Variants in CEP128 observed in about 807,000 individuals in gnomAD.
The protein encoded by CEP128 is centrosomal protein 128kDa.
In CEP128, 132 loss-of-function variants were observed where a neutral mutation model predicts 156.7. The observed-to-expected ratio is 0.84, with a 90% CI of 0.73 to 0.97. The LOEUF is 0.97. Among genes scored for constraint, CEP128 ranks in the 50% least tolerant of loss-of-function variants. CEP128 has a pLI of 0.00. For missense variants in CEP128, 1,252 were observed against 1,281.9 expected, an observed-to-expected ratio of 0.98 and a Z score of 0.36; for synonymous variants, 469 against 448.9, an observed-to-expected ratio of 1.04 and a Z score of -0.57.
intron 24 of CEP128, among the ~76,000 whole-genome samples, chr14:80,502,012 A>G (rs971648205): frequency 6.6e-6 from 1 of 152,162 alleles, no homozygotes; most frequent in African/African-American, 2.4e-5. Flanking sequence ...AAATTTCTGC[A>G]TAAGTTGCTC....
At chr14:80,660,776 T>C (rs1201821566) in intron 19 of CEP128, among the ~76,000 whole-genome samples, 2 of 152,186 alleles carry the variant, frequency 1.3e-5, no homozygotes. Flanking sequence ...CAAAGTCACA[T>C]AGCAAGTGCT....
At chr14:80,834,367 A>G (rs542209503) in intron 12 of CEP128, among the ~76,000 whole-genome samples, 2 of 152,312 alleles carry the variant, frequency 1.3e-5, no homozygotes, top group South Asian at 2.1e-4. Flanking sequence ...TGGAATTGAC[A>G]GAATTGCTAG....
At chr14:80,553,541 T>C (rs975842758) in intron 21 of CEP128, among the ~76,000 whole-genome samples, 21 of 152,200 alleles carry the variant, frequency 1.4e-4, no homozygotes, top group Admixed American at 5.9e-4. Flanking sequence ...ACCATTTTAA[T>C]TTCCATAGCT....
chr14:80,614,603 C>T (rs1024137011), intron 19 of CEP128, among the ~76,000 whole-genome samples: 2 of 152,282 alleles, frequency 1.3e-5, no homozygotes, highest in East Asian at 3.9e-4. Context: ...CCATAAAAAA[C>T]CCTGTCCCAC....
intron 6 of CEP128, among the ~76,000 whole-genome samples, chr14:80,904,568 T>G (rs1883772497): frequency 6.6e-6 from 1 of 152,132 alleles, no homozygotes; most frequent in African/African-American, 2.4e-5. Context: ...TCATGCCACA[T>G]TGCATACATA....
upstream of CEP128, among the ~76,000 whole-genome samples, chr14:80,946,587 G>A (rs1886349543): frequency 6.6e-6 from 1 of 152,028 alleles, no homozygotes; most frequent in South Asian, 2.1e-4. Flanking sequence ...CAATAAAAAG[G>A]TTCTGGAATG....
chr14:80,656,341 A>G lies in CEP128; in HGVS notation c.2807-75918T>C, dbSNP rs865929330. On this transcript the variant is annotated intron_variant, in intron 19 of 24. Coordinates refer to ENST00000555265, the MANE Select transcript of CEP128 (RefSeq NM_152446.5). ...TATATATATATATATATATATATATAGCAATAAAAAAAAAACAACTAATTC... is the reference window on the plus strand; with the variant it reads ...TATATATATATATATATATATATATGGCAATAAAAAAAAAACAACTAATTC... 2.6e-3 allele frequency among the ~76,000 whole-genome samples: 47 copies of G among 17,932 alleles called. 1 individual carries two copies. The highest frequency in any genetic ancestry group is 0.021 in the South Asian group (12 of 568). 11.8% of individuals were successfully genotyped at this position (17,932 alleles called of 152,430 possible).
chr14:80,910,766 G>T (rs1244161778), intron 4 of CEP128, among the ~76,000 whole-genome samples: 1 of 152,214 alleles, frequency 6.6e-6, no homozygotes, highest in East Asian at 1.9e-4. Context: ...GCTCCCTCTA[G>T]CCAAAGATAA....
intron 18 of CEP128, among the ~76,000 whole-genome samples, chr14:80,752,870 TAAAC>T (rs1181181445): frequency 1.3e-5 from 2 of 152,212 alleles, no homozygotes; most frequent in Non-Finnish European, 2.9e-5. Context: ...CTACATCAGT[TAAAC>T]AGTGTGGAAA....
chr14:80,785,454 G>A lies in CEP128; in HGVS notation c.1652C>T (p.Thr551Ile). ...CTCCTCCTCCTGAAGGGCACGCTTT[G>A]TTAGGACATCATTCAATTCCTTTCG... ...NLRKELNDVL[T>I]KRALQEEELH... The change falls in exon 15 of 25, where the codon ACA becomes ATA. Residue 551 changes from threonine to isoleucine, a missense_variant. By Grantham distance (89) the Thr-to-Ile change is moderately conservative. Coordinates refer to ENST00000555265, the MANE Select transcript of CEP128 (RefSeq NM_152446.5). 1 of 1,613,864 alleles carries A rather than the reference G, an allele frequency of 6.2e-7. No homozygotes were observed. Among genetic ancestry groups the A allele is most frequent in the Non-Finnish European group, 8.5e-7 (1 of 1,179,890 alleles).
intron 9 of CEP128, among the ~76,000 whole-genome samples, chr14:80,855,565 T>C (rs1453978418): frequency 6.6e-6 from 1 of 151,448 alleles, no homozygotes; most frequent in Non-Finnish European, 1.5e-5. Context: ...ACGAGATGAC[T>C]ACAAAAAAAA....
chr14:80,657,427 A>T (rs1299674939), intron 19 of CEP128, among the ~76,000 whole-genome samples: 1 of 152,056 alleles, frequency 6.6e-6, no homozygotes, highest in Non-Finnish European at 1.5e-5. Flanking sequence ...CAAGGTGGGC[A>T]GATCACCTAA....
chr14:80,914,947 T>A (rs924738674), intron 3 of CEP128, among the ~76,000 whole-genome samples: 1 of 152,186 alleles, frequency 6.6e-6, no homozygotes, highest in Admixed American at 6.6e-5. Flanking sequence ...CTTTCAAAAA[T>A]ATATACTTAT....
intron 19 of CEP128, among the ~76,000 whole-genome samples, chr14:80,595,577 T>A (rs2140504456): frequency 6.6e-6 from 1 of 152,290 alleles, no homozygotes; most frequent in African/African-American, 2.4e-5. Context: ...CAGGTGCATA[T>A]AATACCCAGA....
At chr14:80,570,319 T>C (rs972547000) in intron 20 of CEP128, among the ~76,000 whole-genome samples, 2 of 152,128 alleles carry the variant, frequency 1.3e-5, no homozygotes, top group African/African-American at 4.8e-5. Flanking sequence ...GGTTTTACCA[T>C]GTTGGCCAGG....
chr14:80,699,276 C>A (rs1896991481), intron 19 of CEP128, among the ~76,000 whole-genome samples: 1 of 152,096 alleles, frequency 6.6e-6, no homozygotes, highest in Non-Finnish European at 1.5e-5. Context: ...TTCCCTAGGC[C>A]CATCTCCAAC....
chr14:80,656,329 A>G, intron 19 of CEP128, among the ~76,000 whole-genome samples: 1 of 25,792 alleles, frequency 3.9e-5, no homozygotes, highest in Non-Finnish European at 7.2e-5. Flanking sequence ...ATATATATAT[A>G]TATATATATA....
chr14:80,539,106 T>C (rs1341667216), intron 21 of CEP128, among the ~76,000 whole-genome samples: 1 of 152,234 alleles, frequency 6.6e-6, no homozygotes, highest in African/African-American at 2.4e-5. Context: ...AAATATTTAC[T>C]GAATGCCTCA....
intron 23 of CEP128, among the ~76,000 whole-genome samples, chr14:80,506,417 T>A (rs1284073047): frequency 6.6e-6 from 1 of 151,228 alleles, no homozygotes; most frequent in South Asian, 2.1e-4. Flanking sequence ...TTTATTTTTT[T>A]TTTTTTCAAA....
Sources: gnomAD v4.1 joint callset for allele counts (sites outside exome capture counted in the v4.1 genomes callset) on GRCh38, gnomAD v4.1.1 for gene constraint, MANE v1.5 for transcripts, NCBI Gene and HGNC (gene_info 2026-07-23, HGNC 2026-07-21) for gene names.